Variants in TXNDC5 observed in about 807,000 individuals in gnomAD.
TXNDC5 encodes thioredoxin domain containing 5.
In TXNDC5, 44 loss-of-function variants were observed where a neutral mutation model predicts 52.6. The observed-to-expected ratio is 0.84, with a 90% CI of 0.66 to 1.08. The LOEUF is 1.08. TXNDC5 is among the 50% of genes least tolerant of loss of function. The pLI is 0.00. For synonymous variants in TXNDC5, 241 were observed against 234.4 expected, an observed-to-expected ratio of 1.03 and a Z score of -0.26; for missense variants, 600 against 565.5, an observed-to-expected ratio of 1.06 and a Z score of -0.62.
At chr6:7,894,966 C>T in intron 4 of TXNDC5, 140 bp downstream of exon 4, 1 of 1,435,118 alleles carries the variant, frequency 7.0e-7, no homozygotes, top group Admixed American at 2.7e-5. Context: ...ACAACGGTCC[C>T]AACAGCTCCT....
At chr6:7,884,564 G>A (rs1759892965) in intron 8 of TXNDC5, 76 bp from the exon 9 acceptor site, 3 of 1,598,606 alleles carry the variant, frequency 1.9e-6, no homozygotes, top group African/African-American at 2.7e-5. Flanking sequence ...GCCAAGACAA[G>A]CTCTGTTTCT....
Position 7,888,735 on chromosome 6 carries a change from C to G in TXNDC5, c.933G>C (p.Pro311=), listed in dbSNP as rs201328333. The G allele has an allele frequency of 4.7e-5, 76 of 1,613,390 alleles. No homozygotes were observed. The highest frequency in any genetic ancestry group is 1.7e-4 in the Admixed American group (10 of 59,970). The change falls in exon 7 of 10, where the codon CCG becomes CCC. Residue 311 remains proline, a synonymous_variant. Transcript: ENST00000379757. The part of the protein sequence containing the change: ...ATETVTPSEA[P]VLAAEPEADK... ...CAGCCTCGGGCTCAGCTGCCAGCAC[C>G]GGGGCCTCTGAGGGCGTGACGGTCT...
intron 4 of TXNDC5, chr6:7,894,664 T>C: frequency 2.2e-6 from 2 of 915,180 alleles, no homozygotes; most frequent in Non-Finnish European, 2.6e-6. Flanking sequence ...AAATATTTTA[T>C]TGCTAAAAAG....
rs1759811593 is a variant in TXNDC5, at chr6:7,882,807, C to G, written c.*337G>C. The G allele has an allele frequency of 4.5e-6, 1 of 220,008 alleles. No individual in the cohort carries two copies. The allele number at this position is 220,008 out of a possible 1,614,324, so 13.6% of individuals were successfully genotyped here. A position where few individuals can be genotyped will look rare whatever the true frequency, so the allele number is the denominator to read the frequency against. On this transcript the variant is annotated 3_prime_UTR_variant, in exon 10 of 10. Coordinates refer to ENST00000379757, the MANE Select transcript of TXNDC5 (RefSeq NM_030810.5). Reference sequence around the variant, plus strand: ...TCACCAAAATCACTCAACTCAGGAGCCACAAATAGTCCAGCAATTTCATTT... The same window carrying G: ...TCACCAAAATCACTCAACTCAGGAGGCACAAATAGTCCAGCAATTTCATTT...
At chr6:7,892,831 C>T (rs1048162069) in intron 4 of TXNDC5, among the ~76,000 whole-genome samples, 5 of 152,174 alleles carry the variant, frequency 3.3e-5, no homozygotes, top group Admixed American at 6.5e-5. Context: ...TGCCCAGTCT[C>T]GGGTGTGTAT....
intron 1 of TXNDC5, chr6:7,909,742 C>T: frequency 1.0e-6 from 1 of 984,966 alleles, no homozygotes; most frequent in Non-Finnish European, 1.2e-6. Flanking sequence ...CCCGGGGTAG[C>T]TCAGCAACCC....
intron 8 of TXNDC5, among the ~76,000 whole-genome samples, chr6:7,885,411 G>A (rs1031448330): frequency 6.6e-6 from 1 of 152,172 alleles, no homozygotes; most frequent in Admixed American, 6.5e-5. Flanking sequence ...TAGAACCAAG[G>A]TTGTCTGGAT....
rs547149119 is a variant in TXNDC5 at position 7,882,333 on chromosome 6, C to T, written c.*811G>A. 9.8e-5 allele frequency: 15 copies of T among 152,344 alleles called. No homozygotes were observed. The East Asian group carries it at 1.2e-3, about 12-fold the overall frequency. The allele number at this position is 152,344 out of a possible 1,614,324, so 9.4% of individuals were successfully genotyped here. On this transcript the variant is annotated 3_prime_UTR_variant, in exon 10 of 10. Transcript: ENST00000379757. ...TTAATGAGATACTGAGAATGAGCCTCGTGGAATTTTCCATGCCTACCCTTT... is the reference window on the plus strand; with the variant it reads ...TTAATGAGATACTGAGAATGAGCCTTGTGGAATTTTCCATGCCTACCCTTT...
chr6:7,889,030 T>C, intron 6 of TXNDC5, 182 bp from the exon 7 acceptor site: 1 of 730,410 alleles, frequency 1.4e-6, no homozygotes, highest in Non-Finnish European at 2.1e-6. Context: ...TCGGCTTTGG[T>C]GAGAGAACTG....
At chr6:7,887,994 C>T (rs1007749739) in intron 7 of TXNDC5, among the ~76,000 whole-genome samples, 2 of 152,220 alleles carry the variant, frequency 1.3e-5, no homozygotes, top group Non-Finnish European at 2.9e-5. Flanking sequence ...GCCCTGCACA[C>T]ATTTCTGCCC....
At position 7,883,252 on chromosome 6, in the gene TXNDC5, G is replaced by A; in HGVS notation, c.1191C>T (p.Pro397=). The change falls in exon 10 of 10, where the codon CCC becomes CCT. Residue 397 remains proline, a synonymous_variant. Transcript: ENST00000379757. ...TCCCTCCTCGGAAAAGCAATAACGT[G>A]GGGTAGCCTCGTACCTTAAAACAAA... The part of the protein sequence containing the change: ...ICSKYSVRGY[P]TLLLFRGGKK... The A allele has an allele frequency of 6.2e-7, 1 of 1,614,124 alleles. No individual in the cohort carries two copies. The highest frequency in any genetic ancestry group is 8.5e-7 in the Non-Finnish European group (1 of 1,180,012).
rs534980705 is a variant in TXNDC5, at chr6:7,910,637, T to TCCGCCGCCG, written c.131_139dup (p.Ala44_Ala46dup). ...CTCGCCGTCTGCCGCGGGGGGCCCG[T>TCCGCCGCCG]CCGCCGCCGCCGCCGCCGCCTCCTG... On this transcript the variant is annotated inframe_insertion, in exon 1 of 10. Coordinates refer to ENST00000379757, the MANE Select transcript of TXNDC5 (RefSeq NM_030810.5). 35 of 1,234,204 alleles carry TCCGCCGCCG rather than the reference T, an allele frequency of 2.8e-5. No individual in the cohort carries two copies. Among genetic ancestry groups the TCCGCCGCCG allele is most frequent in the South Asian group, 5.4e-5 (3 of 55,806 alleles). The allele number at this position is 1,234,204 out of a possible 1,614,324, so 76.5% of individuals were successfully genotyped here.
At chr6:7,884,513 C>G in intron 8 of TXNDC5, 25 bp from the exon 9 acceptor site, 1 of 1,613,522 alleles carries the variant, frequency 6.2e-7, no homozygotes, top group Non-Finnish European at 8.5e-7. Context: ...ATGGCAGCTT[C>G]GTTGAAATCC....
rs563783394 is a variant in TXNDC5, at chr6:7,882,878, CAA to C, written c.*264_*265del. The C allele has an allele frequency of 3.3e-4, 108 of 327,460 alleles. 2 individuals are homozygous for C. In the South Asian group the frequency reaches 7.0e-3, roughly 21 times the overall value. The allele number at this position is 327,460 out of a possible 1,614,324, so 20.3% of individuals were successfully genotyped here. On this transcript the variant is annotated 3_prime_UTR_variant, in exon 10 of 10. Coordinates refer to ENST00000379757, the MANE Select transcript of TXNDC5 (RefSeq NM_030810.5). ...TCAAAGGAAACCATGTAAATTTCAT[CAA>C]GAGAAGGTCAAAGGGGATATATCGC...
chr6:7,886,600 C>T lies in TXNDC5; in HGVS notation c.964-557G>A, dbSNP rs116034767. On this transcript the variant is annotated intron_variant, in intron 7 of 9. Coordinates refer to ENST00000379757, the MANE Select transcript of TXNDC5 (RefSeq NM_030810.5). ...TTACATTGAACATAAAAATGGAAAGCAGCCTGTTCTAAGTCAATGTGAAAA... is the reference window on the plus strand; with the variant it reads ...TTACATTGAACATAAAAATGGAAAGTAGCCTGTTCTAAGTCAATGTGAAAA... 8.2e-3 allele frequency among the ~76,000 whole-genome samples: 1,255 copies of T among 152,334 alleles called. 13 individuals are homozygous for T. Among genetic ancestry groups the T allele is most frequent in the African/African-American group, 0.028 (1,149 of 41,578 alleles).
At position 7,882,138 on chromosome 6, in the gene TXNDC5, A is replaced by AAGTATAGC. The variant is rs1479380616; in HGVS notation, c.*998_*1005dup. 9 of 152,648 alleles carry AAGTATAGC rather than the reference A, an allele frequency of 5.9e-5. No individual in the cohort carries two copies. The highest frequency in any genetic ancestry group is 2.2e-4 in the African/African-American group (9 of 41,452). 9.5% of individuals were successfully genotyped at this position (152,648 alleles called of 1,614,324 possible). A position where few individuals can be genotyped will look rare whatever the true frequency, so the allele number is the denominator to read the frequency against. ...AAGGTCGACCTCCTTGAAGCAGACC[A>AAGTATAGC]AGTATAGCAAGCCTCTAAAAGGACT... is the stretch of plus-strand genomic sequence containing the variant. On this transcript the variant is annotated 3_prime_UTR_variant, in exon 10 of 10. Coordinates refer to ENST00000379757, the MANE Select transcript of TXNDC5 (RefSeq NM_030810.5).
In TXNDC5 at chr6:7,891,747, G is replaced by C. The variant is rs1760198755; in HGVS notation, c.617-11C>G. ...TGATAAAGTGGTCGCCTGGAGTGGA[G>C]AGCCAAGGCAGAGACGGGGGAAAGA... On this transcript the variant is annotated splice_polypyrimidine_tract_variant and intron_variant, in intron 4 of 9. Coordinates refer to ENST00000379757, the MANE Select transcript of TXNDC5 (RefSeq NM_030810.5). The C allele has an allele frequency of 3.7e-6, 6 of 1,601,952 alleles. No individual in the cohort carries two copies. The highest frequency in any genetic ancestry group is 5.1e-6 in the Non-Finnish European group (6 of 1,169,332).
intron 1 of TXNDC5, among the ~76,000 whole-genome samples, chr6:7,906,801 G>T (rs1760751724): frequency 6.6e-6 from 1 of 152,032 alleles, no homozygotes; most frequent in Non-Finnish European, 1.5e-5. Flanking sequence ...ACCCTGAAGT[G>T]TGTGCAAGCT....
rs765055658 is a variant in TXNDC5, at chr6:7,910,490, G to A, written c.263+24C>T. The A allele has an allele frequency of 5.0e-6, 7 of 1,413,172 alleles. No individual in the cohort carries two copies. In the East Asian group the frequency reaches 2.2e-4, roughly 44 times the overall value. 87.5% of individuals were successfully genotyped at this position (1,413,172 alleles called of 1,614,324 possible). A position where few individuals can be genotyped will look rare whatever the true frequency, so the allele number is the denominator to read the frequency against. On this transcript the variant is annotated intron_variant, in intron 1 of 9. Transcript: ENST00000379757. ...CCCGCGAAGCGCCAAGTGCGGGGCA[G>A]GGCGCCGGCCTGCGCGGCGTTACCA...
Sources: allele counts gnomAD v4.1 joint callset (sites outside exome capture counted in the v4.1 genomes callset), GRCh38; gene constraint gnomAD v4.1.1; transcripts MANE v1.5; gene names NCBI Gene and HGNC (gene_info 2026-07-23, HGNC 2026-07-21).